Variants in WWC2 observed in about 807,000 individuals in gnomAD.
The protein encoded by WWC2 is protein WWC2.
Under a neutral mutation model 138.5 loss-of-function variants are expected in WWC2, and 101 were observed. The ratio of observed to expected loss-of-function variants is 0.73; its 90% CI spans 0.62 to 0.86. The LOEUF is 0.86. WWC2 is among the 40% of genes least tolerant of loss of function. The pLI is 0.00. For missense variants in WWC2, 1,420 were observed against 1,419.4 expected, an observed-to-expected ratio of 1.00 and a Z score of -0.01; for synonymous variants, 558 against 538.4, an observed-to-expected ratio of 1.04 and a Z score of -0.50.
At chr4:183,164,376 C>T (rs12499569) in intron 1 of WWC2, among the ~76,000 whole-genome samples, 3 of 606 alleles carry the variant, frequency 5.0e-3, no homozygotes, top group Non-Finnish European at 6.9e-3. Flanking sequence ...ATTATATATA[C>T]ATATATATAT....
intron 17 of WWC2, 80 bp downstream of exon 17, chr4:183,280,977 C>A (rs1172275801): frequency 2.0e-6 from 3 of 1,471,252 alleles, no homozygotes; most frequent in East Asian, 2.5e-5. Flanking sequence ...TTTGTAGGCT[C>A]ATGCTTTATT....
At chr4:183,307,768 A>G (rs1739070438) in intron 21 of WWC2, among the ~76,000 whole-genome samples, 2 of 152,244 alleles carry the variant, frequency 1.3e-5, no homozygotes, top group South Asian at 4.1e-4. Flanking sequence ...CTTAATGCTG[A>G]AAAACTAGAA....
intron 2 of WWC2, among the ~76,000 whole-genome samples, chr4:183,200,959 G>A (rs1006851558): frequency 6.6e-6 from 1 of 152,204 alleles, no homozygotes; most frequent in African/African-American, 2.4e-5. Context: ...GTCATCTACA[G>A]TTCTGAAAAC....
intron 4 of WWC2, among the ~76,000 whole-genome samples, chr4:183,237,237 A>G (rs924864025): frequency 6.7e-6 from 1 of 149,700 alleles, no homozygotes; most frequent in Non-Finnish European, 1.5e-5. Context: ...GTAACAAACT[A>G]TTTTCAATGG....
rs371131541 is a variant in WWC2 at position 183,124,538 on chromosome 4, T to C, written c.131+24916T>C. Among the ~76,000 whole-genome samples the C allele has an allele frequency of 6.5e-5, 9 of 137,606 alleles. No individual in the cohort carries two copies. In the East Asian group the frequency reaches 1.0e-3, roughly 15 times the overall value. 90.3% of individuals were successfully genotyped at this position (137,606 alleles called of 152,430 possible). ...CTTTTTCTTTTTTTCCTTTTTCTCT[T>C]TTTTTTTTTTTTTTGCTGGGATTAC... On this transcript the variant is annotated intron_variant, in intron 1 of 22. Transcript: ENST00000403733.
Position 183,288,906 on chromosome 4 carries a change from G to T in WWC2, c.3142-487G>T, listed in dbSNP as rs182950824. On this transcript the variant is annotated intron_variant, in intron 20 of 22. Transcript: ENST00000403733. ...TAGGAGTTATGTGTCCTGAAATGGA[G>T]GAAACAGAAATGTCTTGCAATGTAT... Among the ~76,000 whole-genome samples, 831 of 152,344 alleles carry T rather than the reference G, an allele frequency of 5.5e-3. 6 individuals are homozygous for T. The highest frequency in any genetic ancestry group is 8.7e-3 in the Non-Finnish European group (592 of 68,032).
intron 16 of WWC2, among the ~76,000 whole-genome samples, chr4:183,273,885 C>CTTA (rs765402033): frequency 6.6e-6 from 1 of 152,082 alleles, no homozygotes; most frequent in Non-Finnish European, 1.5e-5. Context: ...GTTTTAAAGT[C>CTTA]TTATATTTAG....
intron 14 of WWC2, among the ~76,000 whole-genome samples, chr4:183,266,706 G>A (rs866068445): frequency 1.3e-5 from 2 of 152,190 alleles, no homozygotes. Context: ...ACTCTGCATT[G>A]AAACTTCCTG....
chr4:183,100,088 T>G (rs1299119144), intron 1 of WWC2, among the ~76,000 whole-genome samples: 1 of 152,192 alleles, frequency 6.6e-6, no homozygotes, highest in Non-Finnish European at 1.5e-5. Context: ...CTGCGAGCTC[T>G]TGGCGGGGGC....
At chr4:183,226,075 C>A (rs1261745997) in intron 4 of WWC2, among the ~76,000 whole-genome samples, 1 of 141,014 alleles carries the variant, frequency 7.1e-6, no homozygotes, top group African/African-American at 2.8e-5. Context: ...GTCTGTGAAA[C>A]TTTTCTTTTC....
intron 1 of WWC2, among the ~76,000 whole-genome samples, chr4:183,140,505 A>C (rs1175598052): frequency 6.6e-6 from 1 of 152,218 alleles, no homozygotes; most frequent in Non-Finnish European, 1.5e-5. Flanking sequence ...TGCTGCCAAT[A>C]GATAAAGACA....
chr4:183,218,904 A>G (rs1214651993), intron 4 of WWC2, among the ~76,000 whole-genome samples: 1 of 152,212 alleles, frequency 6.6e-6, no homozygotes, highest in East Asian at 1.9e-4. Flanking sequence ...ATATCCTCCA[A>G]ATTGACACAT....
chr4:183,125,615 C>T (rs1031297393), intron 1 of WWC2, among the ~76,000 whole-genome samples: 2 of 152,196 alleles, frequency 1.3e-5, no homozygotes, highest in Non-Finnish European at 2.9e-5. Flanking sequence ...CTTGCTCCTG[C>T]CAGTCCCCAT....
At chr4:183,104,279 T>A (rs1209537439) in intron 1 of WWC2, among the ~76,000 whole-genome samples, 1 of 152,216 alleles carries the variant, frequency 6.6e-6, no homozygotes, top group Non-Finnish European at 1.5e-5. Flanking sequence ...CATGGTATGT[T>A]AAATAAATGT....
At chr4:183,168,563 T>G (rs112036529) in intron 1 of WWC2, among the ~76,000 whole-genome samples, 2 of 152,180 alleles carry the variant, frequency 1.3e-5, no homozygotes, top group Admixed American at 6.5e-5. Flanking sequence ...GGTATTTACC[T>G]TTCCTATAGA....
At chr4:183,182,401 T>C (rs1734658018) in intron 1 of WWC2, among the ~76,000 whole-genome samples, 1 of 152,246 alleles carries the variant, frequency 6.6e-6, no homozygotes, top group Non-Finnish European at 1.5e-5. Context: ...TGGATTTCTG[T>C]TATTTGTTTG....
chr4:183,221,228 C>T (rs1164541290), intron 4 of WWC2, among the ~76,000 whole-genome samples: 1 of 152,122 alleles, frequency 6.6e-6, no homozygotes, highest in Non-Finnish European at 1.5e-5. Flanking sequence ...ATAAATAGAT[C>T]AGTTCATCAA....
chr4:183,232,687 G>A lies in WWC2; in HGVS notation c.523-7496G>A, dbSNP rs145814189. 2.5e-3 allele frequency among the ~76,000 whole-genome samples: 376 copies of A among 152,072 alleles called. 2 individuals are homozygous for A. Among genetic ancestry groups the A allele is most frequent in the African/African-American group, 8.7e-3 (359 of 41,448 alleles). ...TTTTGAGACAGAGTTTCTCTCAGTC[G>A]CCCAGGCTGGAGTGCAATGGTGCGA... On this transcript the variant is annotated intron_variant, in intron 4 of 22. Coordinates refer to ENST00000403733, the MANE Select transcript of WWC2 (RefSeq NM_024949.6).
chr4:183,101,988 G>A (rs777637444), intron 1 of WWC2, among the ~76,000 whole-genome samples: 16 of 152,142 alleles, frequency 1.1e-4, no homozygotes, highest in Non-Finnish European at 1.6e-4. Flanking sequence ...TAATTATGCC[G>A]ATTTAGTAGG....
Sources: gnomAD v4.1 joint callset for allele counts (sites outside exome capture counted in the v4.1 genomes callset) on GRCh38, gnomAD v4.1.1 for gene constraint, MANE v1.5 for transcripts, NCBI Gene and HGNC (gene_info 2026-07-23, HGNC 2026-07-21) for gene names.